KCNN2: variants seen among roughly 807,000 people sequenced by gnomAD.
The protein encoded by KCNN2 is small conductance calcium-activated potassium channel protein 2.
KCNN2 carries 24 observed loss-of-function variants against 55.5 expected under a neutral mutation model. The observed-to-expected ratio is 0.43, with a 90% CI of 0.31 to 0.61. KCNN2 has a LOEUF of 0.61. Among genes scored for constraint, KCNN2 ranks in the 20% least tolerant of loss-of-function variants. The pLI is 0.08. For missense variants in KCNN2, 754 were observed against 853.6 expected (o/e 0.88, Z 1.45); for synonymous variants, 431 against 336.1 (o/e 1.28, Z -3.09).
chr5:114,297,092 T>C (rs944657658), intron 2 of KCNN2, among the ~76,000 whole-genome samples: 5 of 152,192 alleles, frequency 3.3e-5, no homozygotes, highest in Admixed American at 3.3e-4. Flanking sequence ...TGTAATTCAA[T>C]ATAATGTATT....
At chr5:114,070,910 C>T (rs897524864) in intron 1 of KCNN2, among the ~76,000 whole-genome samples, 2 of 152,078 alleles carry the variant, frequency 1.3e-5, no homozygotes, top group African/African-American at 4.8e-5. Flanking sequence ...TTTAAGATTC[C>T]AGTCATTCAC....
chr5:114,409,776 A>T (rs758661190), intron 3 of KCNN2, among the ~76,000 whole-genome samples: 7 of 152,164 alleles, frequency 4.6e-5, no homozygotes, highest in Non-Finnish European at 8.8e-5. Context: ...TAATGGGGAG[A>T]GCATCCTATG....
intron 2 of KCNN2, among the ~76,000 whole-genome samples, chr5:114,380,753 G>A (rs753019102): frequency 2.1e-4 from 32 of 152,290 alleles, no homozygotes; most frequent in Non-Finnish European, 2.8e-4. Context: ...TTGCATGACC[G>A]GTTTGGGGGG....
At chr5:114,193,439 T>A (rs963193468) in intron 1 of KCNN2, among the ~76,000 whole-genome samples, 1 of 152,148 alleles carries the variant, frequency 6.6e-6, no homozygotes, top group Non-Finnish European at 1.5e-5. Flanking sequence ...AACGCACACC[T>A]CTCCTCAGAG....
At chr5:114,316,263 T>C (rs1242912296) in intron 2 of KCNN2, among the ~76,000 whole-genome samples, 7 of 152,156 alleles carry the variant, frequency 4.6e-5, no homozygotes, top group African/African-American at 1.7e-4. Flanking sequence ...ATTTTTCCCA[T>C]GACATCCTGT....
chr5:114,196,079 C>G (rs1384076434), intron 1 of KCNN2, among the ~76,000 whole-genome samples: 1 of 152,044 alleles, frequency 6.6e-6, no homozygotes, highest in South Asian at 2.1e-4. Context: ...TCTTGGCACC[C>G]TTGTGAAAAA....
At chr5:114,219,919 G>C (rs75104002) in intron 1 of KCNN2, among the ~76,000 whole-genome samples, 3,749 of 152,274 alleles carry the variant, frequency 0.025, 135 homozygotes, top group African/African-American at 0.085. Context: ...TACTTTTTCT[G>C]TGAGGGCCAG....
At chr5:114,245,763 G>C (rs772456614) in intron 2 of KCNN2, among the ~76,000 whole-genome samples, 6 of 152,146 alleles carry the variant, frequency 3.9e-5, no homozygotes, top group Non-Finnish European at 7.3e-5. Flanking sequence ...TCACAGTTGA[G>C]GAAAGGAAGG....
intron 3 of KCNN2, among the ~76,000 whole-genome samples, chr5:114,409,332 TA>T (rs35010897): frequency 3.3e-5 from 5 of 151,802 alleles, no homozygotes; most frequent in Admixed American, 6.6e-5. Context: ...GATACAAAGA[TA>T]AAAAAAAATT....
chr5:114,436,724 G>A (rs1421844126), intron 3 of KCNN2, among the ~76,000 whole-genome samples: 3 of 152,102 alleles, frequency 2.0e-5, no homozygotes, highest in African/African-American at 7.2e-5. Flanking sequence ...GGAAAAAATC[G>A]ATGAATGAAT....
chr5:114,313,995 G>A (rs518198), intron 2 of KCNN2, among the ~76,000 whole-genome samples: 150,868 of 152,206 alleles, frequency 0.99, 74,772 homozygotes, highest in East Asian at 1. Context: ...TTCGATGAAC[G>A]TTTCTTTTTC....
At chr5:114,339,903 A>T (rs1481782071) in intron 2 of KCNN2, among the ~76,000 whole-genome samples, 2 of 152,180 alleles carry the variant, frequency 1.3e-5, no homozygotes, top group Non-Finnish European at 2.9e-5. Context: ...CAACAGAAGG[A>T]TGGTGCTGAA....
chr5:114,164,766 C>G (rs1752873335), intron 1 of KCNN2, among the ~76,000 whole-genome samples: 1 of 152,048 alleles, frequency 6.6e-6, no homozygotes, highest in South Asian at 2.1e-4. Flanking sequence ...ACTTAGCTCC[C>G]TTTTTTATTA....
intron 1 of KCNN2, among the ~76,000 whole-genome samples, chr5:114,090,145 C>A (rs771418354): frequency 6.6e-6 from 1 of 152,052 alleles, no homozygotes; most frequent in Non-Finnish European, 1.5e-5. Context: ...CAAAGGCAAT[C>A]GTATGGATTT....
chr5:114,364,507 C>T (rs1845848), intron 2 of KCNN2, among the ~76,000 whole-genome samples: 10,425 of 151,868 alleles, frequency 0.069, 449 homozygotes, highest in Non-Finnish European at 0.095. Context: ...CTAAATCCCC[C>T]ACCATTAAAA....
intron 2 of KCNN2, among the ~76,000 whole-genome samples, chr5:114,368,543 C>T (rs995044785): frequency 3.9e-5 from 6 of 152,138 alleles, no homozygotes; most frequent in African/African-American, 1.4e-4. Context: ...AGGCTCAAGT[C>T]TGAAGAAGAA....
Position 114,093,255 on chromosome 5 carries a change from G to T in KCNN2, c.-271+36755G>T, listed in dbSNP as rs536995789. Among the ~76,000 whole-genome samples the T allele has an allele frequency of 1.1e-4, 17 of 152,244 alleles. No homozygotes were observed. The South Asian group carries it at 1.5e-3, about 13-fold the overall frequency. On this transcript the variant is annotated intron_variant, in intron 1 of 10. Transcript: ENST00000512097. ...CATAGCAAGAGTGACCTTTGATTCA[G>T]TTCCCAATGAGTTCCTCACCTCCAT...
upstream of KCNN2, among the ~76,000 whole-genome samples, chr5:114,358,434 G>A (rs1757339080): frequency 6.6e-6 from 1 of 152,116 alleles, no homozygotes; most frequent in African/African-American, 2.4e-5. Flanking sequence ...GAAAGCAATT[G>A]TTGTAGGCCA....
intron 1 of KCNN2, among the ~76,000 whole-genome samples, chr5:114,149,784 C>G (rs1752477064): frequency 6.6e-6 from 1 of 152,164 alleles, no homozygotes; most frequent in African/African-American, 2.4e-5. Context: ...GCAGCAAAAG[C>G]TGGTTACAAA....
Sources: allele counts gnomAD v4.1 joint callset (sites outside exome capture counted in the v4.1 genomes callset), GRCh38; gene constraint gnomAD v4.1.1; transcripts MANE v1.5; gene names NCBI Gene and HGNC (gene_info 2026-07-23, HGNC 2026-07-21).